The following CLCN7 variants were observed in gnomAD, a reference collection of about 807,000 sequenced individuals.
The protein encoded by CLCN7 is Cl-/H+ antiporter 7, also known as H(+)/Cl(-) exchange transporter 7.
Under a neutral mutation model 102.1 loss-of-function variants are expected in CLCN7, and 60 were observed. The ratio of observed to expected loss-of-function variants is 0.59; its 90% confidence interval spans 0.48 to 0.73. The LOEUF (loss-of-function observed/expected upper bound fraction) is 0.73, where lower values mean the gene tolerates loss of function less well. CLCN7 is among the 30% of genes least tolerant of loss of function. CLCN7 has a pLI of 0.00. For missense variants in CLCN7, 962 were observed against 1,125.7 expected (o/e 0.85, Z 2.08); for synonymous variants, 560 against 490.5 (o/e 1.14, Z -1.87).
In CLCN7 at chr16:1,446,215, G is replaced by A. The variant is rs1258833430; in HGVS notation, c.*416C>T. The A allele has an allele frequency of 4.7e-6, 3 of 631,684 alleles. No homozygotes were observed. The highest frequency in any genetic ancestry group is 2.7e-5 in the East Asian group (1 of 36,956). 39.1% of individuals were successfully genotyped at this position (631,684 alleles called of 1,614,324 possible). A position where few individuals can be genotyped will look rare whatever the true frequency, so the allele number is the denominator to read the frequency against. On this transcript the variant is annotated 3_prime_UTR_variant, in exon 25 of 25. Transcript: ENST00000382745. Reference sequence around the variant, plus strand: ...AAGACTCCACTGGTGTGGAGGCAGAGGGGCCCTTCCAGGGCAGGGCAGCCC... The same window carrying A: ...AAGACTCCACTGGTGTGGAGGCAGAAGGGCCCTTCCAGGGCAGGGCAGCCC...
At chr16:1,451,825 T>C (rs1407169514) in intron 15 of CLCN7, 109 bp from the exon 16 acceptor site, 12 of 886,922 alleles carry the variant, frequency 1.4e-5, no homozygotes, top group Non-Finnish European at 1.6e-5. Flanking sequence ...CTGGCCAGCA[T>C]CAGGCGCGAA....
chr16:1,449,994 C>G (rs2038718302), intron 17 of CLCN7: 1 of 173,486 alleles, frequency 5.8e-6, no homozygotes, highest in Non-Finnish European at 1.2e-5. Flanking sequence ...GCCAGGGCCT[C>G]TTACAGGTTT....
At chr16:1,462,978 T>C (rs34591216) in intron 2 of CLCN7, among the ~76,000 whole-genome samples, 9,971 of 152,036 alleles carry the variant, frequency 0.066, 415 homozygotes, top group Non-Finnish European at 0.096. Flanking sequence ...CTGGGCAACA[T>C]AGTAAGACTC....
chr16:1,456,257 C>G (rs1038787778), intron 9 of CLCN7, 51 bp from the exon 10 acceptor site: 1 of 1,395,486 alleles, frequency 7.2e-7, no homozygotes, highest in Non-Finnish European at 9.9e-7. Context: ...GGGCACGGCT[C>G]TCAGAAAGGG....
intron 1 of CLCN7, 98 bp from the exon 2 acceptor site, chr16:1,465,436 T>TG (rs2038992264): frequency 9.1e-7 from 1 of 1,099,086 alleles, no homozygotes; most frequent in Non-Finnish European, 1.3e-6. Context: ...CGCCTGACCC[T>TG]GCCCGGGAGC....
intron 2 of CLCN7, among the ~76,000 whole-genome samples, 156 bp downstream of exon 2, chr16:1,465,111 T>G (rs935154226): frequency 1.3e-5 from 2 of 152,214 alleles, no homozygotes; most frequent in African/African-American, 4.8e-5. Flanking sequence ...CTCTGCTCAC[T>G]TGGCGTCAGG....
chr16:1,460,341 G>T, intron 6 of CLCN7, 77 bp downstream of exon 6: 1 of 1,074,318 alleles, frequency 9.3e-7, no homozygotes, highest in Non-Finnish European at 1.4e-6. Context: ...TGGGTGAGCT[G>T]CAGGGGTTCC....
rs377124088 is a variant in CLCN7 at position 1,446,615 on chromosome 16, T to C, written c.*16A>G. ...GGGGTGCCAGCGCCAGTGCCCATTA[T>C]GGGCAGGGCTGGGCCTCACGTCTGG... On this transcript the variant is annotated 3_prime_UTR_variant, in exon 25 of 25. Coordinates refer to ENST00000382745, the MANE Select transcript of CLCN7 (RefSeq NM_001287.6). The C allele has an allele frequency of 3.9e-6, 6 of 1,554,550 alleles. No individual in the cohort carries two copies. The African/African-American group carries it at 5.5e-5, about 14-fold the overall frequency.
intron 16 of CLCN7, among the ~76,000 whole-genome samples, chr16:1,451,029 C>T (rs1596214193): frequency 6.6e-6 from 1 of 152,238 alleles, no homozygotes; most frequent in South Asian, 2.1e-4. Flanking sequence ...CCCCCCACAG[C>T]CTGGGGTTCC....
At chr16:1,460,321 A>G in intron 6 of CLCN7, 97 bp downstream of exon 6, 1 of 878,062 alleles carries the variant, frequency 1.1e-6, no homozygotes. Flanking sequence ...AGCCAATGTG[A>G]TGGTGGGGGT....
At chr16:1,451,750 G>C in intron 15 of CLCN7, 34 bp from the exon 16 acceptor site, 1 of 1,569,590 alleles carries the variant, frequency 6.4e-7, no homozygotes, top group Non-Finnish European at 8.7e-7. Context: ...CGTTGGGAGG[G>C]GAGATGAGCT....
chr16:1,445,154 G>A lies in CLCN7; in HGVS notation c.*1477C>T, dbSNP rs1437732153. 6.6e-6 allele frequency: 1 copy of A among 152,158 alleles called. No homozygotes were observed. Among genetic ancestry groups the A allele is most frequent in the Admixed American group, 6.5e-5 (1 of 15,290 alleles). 9.4% of individuals were successfully genotyped at this position (152,158 alleles called of 1,614,324 possible). On this transcript the variant is annotated 3_prime_UTR_variant, in exon 25 of 25. Transcript: ENST00000382745. ...CCTTGCCCCCAGACCCACCAGCCAGGAGCCAGAGGAGGGAGGCTGAGGGGC... is the reference window on the plus strand; with the variant it reads ...CCTTGCCCCCAGACCCACCAGCCAGAAGCCAGAGGAGGGAGGCTGAGGGGC...
intron 7 of CLCN7, among the ~76,000 whole-genome samples, chr16:1,458,288 G>A (rs190446360): frequency 2.0e-4 from 31 of 152,366 alleles, no homozygotes; most frequent in South Asian, 4.1e-4. Context: ...CCACAAGGGC[G>A]CAGACCCTAA....
At chr16:1,465,386 T>C in intron 1 of CLCN7, 48 bp from the exon 2 acceptor site, 2 of 1,529,630 alleles carry the variant, frequency 1.3e-6, no homozygotes, top group Non-Finnish European at 9.0e-7. Flanking sequence ...TCGCACGCTC[T>C]GCTCCGTGGA....
chr16:1,474,140 C>A (rs2039117393), intron 1 of CLCN7: 1 of 455,826 alleles, frequency 2.2e-6, no homozygotes, highest in Non-Finnish European at 4.4e-6. Context: ...GTACCCGCAA[C>A]GGTTCTCCAG....
In CLCN7 at chr16:1,452,901, C is replaced by A; in HGVS notation, c.1215-8G>T. The stretch of plus-strand genomic sequence containing the variant: ...CAGGGCCGGTGGATGTACCTGGAAC[C>A]AAGAATCAGGCTGCATGGCAGGCAG... On this transcript the variant is annotated splice_polypyrimidine_tract_variant and splice_region_variant and intron_variant, in intron 14 of 24. Transcript: ENST00000382745. 6.4e-7 allele frequency: 1 copy of A among 1,563,770 alleles called. No individual in the cohort carries two copies. Among genetic ancestry groups the A allele is most frequent in the Non-Finnish European group, 8.7e-7 (1 of 1,154,464 alleles).
In CLCN7 at chr16:1,453,940, C is replaced by T. The variant is rs753552691; in HGVS notation, c.1154-46G>A. 7.5e-5 allele frequency: 119 copies of T among 1,585,486 alleles called. 1 individual carries two copies. The South Asian group carries it at 1.2e-3, about 16-fold the overall frequency. On this transcript the variant is annotated intron_variant, in intron 13 of 24. Coordinates refer to ENST00000382745, the MANE Select transcript of CLCN7 (RefSeq NM_001287.6). ...AGTCAGCGACACCGGAGGAAAAGTG[C>T]GGGCCTCCGCCCGCCGGCTCCCAGA...
intron 1 of CLCN7, chr16:1,472,562 G>C (rs1403064703): frequency 6.6e-6 from 1 of 151,986 alleles, no homozygotes; most frequent in African/African-American, 2.4e-5. Context: ...GAGATCAACA[G>C]ATTATTTCCC....
intron 16 of CLCN7, 31 bp from the exon 17 acceptor site, chr16:1,450,697 C>G (rs756671162): frequency 6.6e-7 from 1 of 1,508,726 alleles, no homozygotes; most frequent in East Asian, 2.4e-5. Flanking sequence ...ACGGGGCCTC[C>G]ACGACTCCCG....
Sources: gnomAD v4.1 joint callset for allele counts (sites outside exome capture counted in the v4.1 genomes callset) on GRCh38, gnomAD v4.1.1 for gene constraint, MANE v1.5 for transcripts, NCBI Gene and HGNC (gene_info 2026-07-23, HGNC 2026-07-21) for gene names.